The following KIRREL3 variants were observed in gnomAD, a reference collection of about 807,000 sequenced individuals.
KIRREL3 encodes kin of IRRE-like protein 3.
KIRREL3 carries 36 observed loss-of-function variants against 89.7 expected under a neutral mutation model. The ratio of observed to expected loss-of-function variants is 0.40; its 90% CI spans 0.31 to 0.53. KIRREL3 has a LOEUF of 0.53. Ranked by LOEUF, KIRREL3 falls within the 20% of genes least tolerant of loss-of-function variation. The probability of loss-of-function intolerance (pLI) is 0.49; values close to 1 mark genes in which losing one functional copy is unlikely to be tolerated. For synonymous variants in KIRREL3, 445 were observed against 441.4 expected, an observed-to-expected ratio of 1.01 and a Z score of -0.10; for missense variants, 864 against 1,056.6, an observed-to-expected ratio of 0.82 and a Z score of 2.53.
chr11:126,474,163 G>T lies in KIRREL3; in HGVS notation c.434-697C>A, dbSNP rs994403573. 6.6e-6 allele frequency among the ~76,000 whole-genome samples: 1 copy of T among 152,140 alleles called. No individual in the cohort carries two copies. Among genetic ancestry groups the T allele is most frequent in the Non-Finnish European group, 1.5e-5 (1 of 68,026 alleles). ...GGGGTTTCACCATGTTGGCCAGGCTGGTCTCGAACTCCTGACCTCAGGTAA... is the reference window on the plus strand; with the variant it reads ...GGGGTTTCACCATGTTGGCCAGGCTTGTCTCGAACTCCTGACCTCAGGTAA... On this transcript the variant is annotated intron_variant, in intron 4 of 16. Coordinates refer to ENST00000525144, the MANE Select transcript of KIRREL3 (RefSeq NM_032531.4). The surrounding 1 kb of genome is among the most constrained non-coding windows in gnomAD (Gnocchi z 6.7).
intron 1 of KIRREL3, among the ~76,000 whole-genome samples, chr11:126,592,747 G>A (rs1788967): frequency 0.9 from 137,525 of 152,018 alleles, 62,232 homozygotes; most frequent in East Asian, 0.99. Context: ...ATGTGAGTTT[G>A]GCACCAGTCG....
chr11:126,760,311 AG>A (rs1835094717), intron 1 of KIRREL3, among the ~76,000 whole-genome samples: 1 of 152,244 alleles, frequency 6.6e-6, no homozygotes, highest in African/African-American at 2.4e-5. Flanking sequence ...ACAGAGCTCT[AG>A]CAGTGGGAGT....
At position 126,935,161 on chromosome 11, in the gene KIRREL3, T is replaced by A. The variant is rs1425715449; in HGVS notation, c.55+65294A>T. The A allele has an allele frequency of 2.3e-4, 34 of 150,724 alleles. 1 individual carries two copies. Among genetic ancestry groups the A allele is most frequent in the Admixed American group, 2.2e-3 (33 of 15,126 alleles). 9.3% of individuals were successfully genotyped at this position (150,724 alleles called of 1,614,324 possible). On this transcript the variant is annotated intron_variant, in intron 1 of 16. Transcript: ENST00000525144. ...AGAGAATTTCAAATTAAAACAACAA[T>A]AAGATACCACTACATACTTATTATA...
chr11:126,529,067 A>C (rs1307709539), intron 2 of KIRREL3, among the ~76,000 whole-genome samples: 1 of 152,184 alleles, frequency 6.6e-6, no homozygotes, highest in Non-Finnish European at 1.5e-5. Context: ...TAAATGAAGC[A>C]GTGCCCGAGC....
Position 126,526,250 on chromosome 11 carries a change from A to G in KIRREL3, c.283+288T>C, listed in dbSNP as rs569622677. Among the ~76,000 whole-genome samples the G allele has an allele frequency of 6.6e-6, 1 of 152,300 alleles. No individual in the cohort carries two copies. Among genetic ancestry groups the G allele is most frequent in the South Asian group, 2.1e-4 (1 of 4,826 alleles). On this transcript the variant is annotated intron_variant, in intron 3 of 16. Coordinates refer to ENST00000525144, the MANE Select transcript of KIRREL3 (RefSeq NM_032531.4). The surrounding 1 kb of genome is among the most constrained non-coding windows in gnomAD (Gnocchi z 5.7). The stretch of plus-strand genomic sequence containing the variant: ...TTTCTGGAAACTGGAATTTACATGA[A>G]TCATGTTTGACTTTGGAGTAGGTGC...
rs142589810 is a variant in KIRREL3 at position 126,913,625 on chromosome 11, A to T, written c.55+86830T>A. ...AGACCCATTGCCTTCATCAAGCGGTACCTAACTCTGACCTTCTGGTTATGC... is the reference window on the plus strand; with the variant it reads ...AGACCCATTGCCTTCATCAAGCGGTTCCTAACTCTGACCTTCTGGTTATGC... On this transcript the variant is annotated intron_variant, in intron 1 of 16. Transcript: ENST00000525144. Among the ~76,000 whole-genome samples, 75 of 152,344 alleles carry T rather than the reference A, an allele frequency of 4.9e-4. 1 individual carries two copies. The East Asian group carries it at 0.012, about 25-fold the overall frequency.
In KIRREL3 at chr11:126,750,337, A is replaced by G. The variant is rs1434962732; in HGVS notation, c.56-187425T>C. Reference sequence around the variant, plus strand: ...AGGTGGCATGAGGATGTTCTCAACTATGGCACTCTGGTTGTAAATATGTTT... The same window carrying G: ...AGGTGGCATGAGGATGTTCTCAACTGTGGCACTCTGGTTGTAAATATGTTT... On this transcript the variant is annotated intron_variant, in intron 1 of 16. Coordinates refer to ENST00000525144, the MANE Select transcript of KIRREL3 (RefSeq NM_032531.4). The surrounding 1 kb of genome is among the most constrained non-coding windows in gnomAD (Gnocchi z 4.2). Among the ~76,000 whole-genome samples the G allele has an allele frequency of 6.6e-6, 1 of 152,164 alleles. No individual in the cohort carries two copies. Among genetic ancestry groups the G allele is most frequent in the East Asian group, 1.9e-4 (1 of 5,174 alleles).
chr11:126,535,440 C>T lies in KIRREL3; in HGVS notation c.134-8753G>A, dbSNP rs762986790. ...TCTATGACTTGCACACCTGTGGCCC[C>T]ATTCTGAGGTTGCCCCTCAATCCCT... On this transcript the variant is annotated intron_variant, in intron 2 of 16. Transcript: ENST00000525144. This position sits in a 1 kb window ranked among gnomAD's most constrained non-coding sequence, Gnocchi z 4.5. Among the ~76,000 whole-genome samples the T allele has an allele frequency of 1.3e-5, 2 of 152,162 alleles. No homozygotes were observed. The highest frequency in any genetic ancestry group is 2.9e-5 in the Non-Finnish European group (2 of 68,036).
Position 126,998,956 on chromosome 11 carries a change from T to TGC in KIRREL3, c.55+1497_55+1498dup, listed in dbSNP as rs1555118663. Among the ~76,000 whole-genome samples the TGC allele has an allele frequency of 5.0e-4, 60 of 120,690 alleles. No individual in the cohort carries two copies. In the East Asian group the frequency reaches 6.1e-3, roughly 12 times the overall value. The allele number at this position is 120,690 out of a possible 152,430, so 79.2% of individuals were successfully genotyped here. On this transcript the variant is annotated intron_variant, in intron 1 of 16. Coordinates refer to ENST00000525144, the MANE Select transcript of KIRREL3 (RefSeq NM_032531.4). Reference sequence around the variant, plus strand: ...GTGTGTGTGTGTGTGTGTGTGTGTGTGCTCATAAGCAAGCACATACACATC... The same window carrying TGC: ...GTGTGTGTGTGTGTGTGTGTGTGTGTGCGCTCATAAGCAAGCACATACACATC...
At position 126,623,507 on chromosome 11, in the gene KIRREL3, T is replaced by C. The variant is rs1943656981; in HGVS notation, c.56-60595A>G. The stretch of plus-strand genomic sequence containing the variant: ...GGCTCTGTGTGCTGGTGAGATTTTG[T>C]AGCCACTGGAATGATCAGAAAAACG... On this transcript the variant is annotated intron_variant, in intron 1 of 16. Coordinates refer to ENST00000525144, the MANE Select transcript of KIRREL3 (RefSeq NM_032531.4). The surrounding 1 kb of genome is among the most constrained non-coding windows in gnomAD (Gnocchi z 4.1). 1.3e-5 allele frequency among the ~76,000 whole-genome samples: 2 copies of C among 152,118 alleles called. No individual in the cohort carries two copies. The highest frequency in any genetic ancestry group is 4.2e-4 in the South Asian group (2 of 4,814).
intron 1 of KIRREL3, among the ~76,000 whole-genome samples, chr11:126,633,529 G>T (rs1430916272): frequency 6.6e-6 from 1 of 151,922 alleles, no homozygotes; most frequent in Admixed American, 6.5e-5. Context: ...AAAAGAGCCT[G>T]GCACCTCCCC....
chr11:126,688,256 T>C (rs189973343), intron 1 of KIRREL3, among the ~76,000 whole-genome samples: 4 of 152,338 alleles, frequency 2.6e-5, no homozygotes, highest in African/African-American at 9.6e-5. Context: ...TCAATCACCT[T>C]CCTTTTCCAT....
chr11:126,951,068 C>G (rs1948761371), intron 1 of KIRREL3, among the ~76,000 whole-genome samples: 1 of 152,184 alleles, frequency 6.6e-6, no homozygotes, highest in South Asian at 2.1e-4. Flanking sequence ...TCTTCCAAGC[C>G]CCTTTGCAAT....
In KIRREL3 at chr11:126,981,728, CT is replaced by C. The variant is rs1307650927; in HGVS notation, c.55+18726del. Among the ~76,000 whole-genome samples, 1 of 152,130 alleles carries C rather than the reference CT, an allele frequency of 6.6e-6. No individual in the cohort carries two copies. Among genetic ancestry groups the C allele is most frequent in the African/African-American group, 2.4e-5 (1 of 41,432 alleles). On this transcript the variant is annotated intron_variant, in intron 1 of 16. Coordinates refer to ENST00000525144, the MANE Select transcript of KIRREL3 (RefSeq NM_032531.4). The surrounding 1 kb of genome is among the most constrained non-coding windows in gnomAD (Gnocchi z 4.2). ...TGGAGTAGGTTCCTGAGCTTGGTGC[CT>C]GGGGAACTGGGGAAGGCCCCCGTTT...
chr11:126,786,680 G>T (rs1950497188), intron 1 of KIRREL3, among the ~76,000 whole-genome samples: 1 of 152,192 alleles, frequency 6.6e-6, no homozygotes, highest in Non-Finnish European at 1.5e-5. Context: ...AGGAAAACAG[G>T]CCAACTCTAG....
chr11:126,720,524 C>T (rs1033099229), intron 1 of KIRREL3, among the ~76,000 whole-genome samples: 5 of 152,326 alleles, frequency 3.3e-5, no homozygotes, highest in African/African-American at 1.2e-4. Context: ...GAAATAAAAG[C>T]ATTAGGTGGG....
chr11:126,456,168 G>A (rs1956337096), intron 7 of KIRREL3, among the ~76,000 whole-genome samples, 181 bp downstream of exon 7: 1 of 150,324 alleles, frequency 6.7e-6, no homozygotes, highest in South Asian at 2.1e-4. Flanking sequence ...CAGAGGAGAG[G>A]AAGGGTCCAC....
chr11:126,440,227 A>T (rs781634235), intron 11 of KIRREL3: 6 of 697,048 alleles, frequency 8.6e-6, no homozygotes. Context: ...AGAGCTCAGC[A>T]GAATGGCAGC....
chr11:126,765,799 A>G (rs2134281598), intron 1 of KIRREL3, among the ~76,000 whole-genome samples: 1 of 152,260 alleles, frequency 6.6e-6, no homozygotes, highest in African/African-American at 2.4e-5. Context: ...AGCCTAGCTG[A>G]AAAGTGAAGA....
Sources: allele counts gnomAD v4.1 joint callset (sites outside exome capture counted in the v4.1 genomes callset), GRCh38; gene constraint gnomAD v4.1.1; non-coding constraint Gnocchi (gnomAD v3.1); transcripts MANE v1.5; gene names NCBI Gene and HGNC (gene_info 2026-07-23, HGNC 2026-07-21).